C8A: variants seen among roughly 807,000 people sequenced by gnomAD.
C8A encodes the protein complement component C8 alpha chain.
C8A carries 67 observed loss-of-function variants against 65.3 expected under a neutral mutation model. The observed-to-expected ratio is 1.03, with a 90% CI of 0.84 to 1.26. C8A has a LOEUF of 1.26. Among genes scored for constraint, C8A ranks in the 50% most tolerant of loss-of-function variants. The pLI is 0.00. For synonymous variants in C8A, 290 were observed against 259.4 expected, an observed-to-expected ratio of 1.12 and a Z score of -1.13; for missense variants, 781 against 723.9, an observed-to-expected ratio of 1.08 and a Z score of -0.90.
intron 7 of C8A, among the ~76,000 whole-genome samples, chr1:56,905,597 A>C (rs1253330040): frequency 6.6e-6 from 1 of 152,208 alleles, no homozygotes; most frequent in Non-Finnish European, 1.5e-5. Flanking sequence ...AGGCAAATAA[A>C]CTTTGATGCT....
chr1:56,864,774 G>C (rs1160575943), intron 1 of C8A, among the ~76,000 whole-genome samples: 1 of 152,168 alleles, frequency 6.6e-6, no homozygotes, highest in East Asian at 1.9e-4. Flanking sequence ...CTAGCACCAT[G>C]TTACAAATTA....
At chr1:56,916,621 G>A (rs1316159492) in intron 10 of C8A, among the ~76,000 whole-genome samples, 1 of 152,152 alleles carries the variant, frequency 6.6e-6, no homozygotes, top group Non-Finnish European at 1.5e-5. Flanking sequence ...AGAGGAGGGC[G>A]AGCCTGACAG....
chr1:56,892,716 C>G (rs1644357333), intron 7 of C8A, among the ~76,000 whole-genome samples: 2 of 152,100 alleles, frequency 1.3e-5, no homozygotes, highest in Admixed American at 6.6e-5. Context: ...GCCTTTGGAA[C>G]AAAGTTGGTG....
intron 2 of C8A, 145 bp downstream of exon 2, chr1:56,867,847 G>T: frequency 2.8e-6 from 2 of 710,586 alleles, no homozygotes; most frequent in Non-Finnish European, 5.2e-6. Context: ...ATTATACATG[G>T]ATGGTGAAAC....
chr1:56,909,273 C>A (rs527996996), intron 9 of C8A, among the ~76,000 whole-genome samples: 2 of 152,198 alleles, frequency 1.3e-5, no homozygotes, highest in Non-Finnish European at 2.9e-5. Flanking sequence ...TTTCTCCCCA[C>A]CCTTGCCTAT....
At chr1:56,911,933 C>T (rs546964515) in intron 9 of C8A, among the ~76,000 whole-genome samples, 69 of 152,338 alleles carry the variant, frequency 4.5e-4, no homozygotes, top group African/African-American at 1.6e-3. Context: ...CAAATAACTT[C>T]TAAGCCCACT....
At chr1:56,905,987 C>CCCT (rs1644461375) in intron 7 of C8A, among the ~76,000 whole-genome samples, 1 of 152,118 alleles carries the variant, frequency 6.6e-6, no homozygotes, top group South Asian at 2.1e-4. Context: ...CAGATGTAGA[C>CCCT]AAATACAGAG....
intron 9 of C8A, among the ~76,000 whole-genome samples, chr1:56,911,695 T>C (rs577942152): frequency 3.3e-4 from 51 of 152,318 alleles, no homozygotes; most frequent in African/African-American, 1.1e-3. Context: ...AGTGCCGAAG[T>C]TGAAAAACCC....
At position 56,885,492 on chromosome 1, in the gene C8A, G is replaced by A. The variant is rs1334287459; in HGVS notation, c.856-435G>A. On this transcript the variant is annotated intron_variant, in intron 6 of 10. Transcript: ENST00000361249. ...TATATTTATTTAAATATATATTTACGTAAATACATATATATATTTCTTACA... is the reference window on the plus strand; with the variant it reads ...TATATTTATTTAAATATATATTTACATAAATACATATATATATTTCTTACA... Among the ~76,000 whole-genome samples the A allele has an allele frequency of 3.3e-3, 331 of 101,618 alleles. 4 individuals are homozygous for A. Among genetic ancestry groups the A allele is most frequent in the African/African-American group, 0.011 (293 of 27,516 alleles). 66.7% of individuals were successfully genotyped at this position (101,618 alleles called of 152,430 possible). A position where few individuals can be genotyped will look rare whatever the true frequency, so the allele number is the denominator to read the frequency against.
chr1:56,915,384 C>T (rs187751548), intron 10 of C8A, among the ~76,000 whole-genome samples: 15 of 152,126 alleles, frequency 9.9e-5, no homozygotes, highest in Admixed American at 4.6e-4. Context: ...TTCCAGCTTC[C>T]TTGTGTGAAC....
At chr1:56,904,721 G>A (rs1410553411) in intron 7 of C8A, among the ~76,000 whole-genome samples, 1 of 152,190 alleles carries the variant, frequency 6.6e-6, no homozygotes, top group Non-Finnish European at 1.5e-5. Flanking sequence ...TGAGCTAAGT[G>A]TCTAAGAGTG....
chr1:56,908,051 A>G lies in C8A; in HGVS notation c.1318A>G (p.Thr440Ala). ...CGGTGGCTTGGCACAGAACAGGAGCACCATTACATACCGTTCCTGGGGGAG... is the reference window on the plus strand; with the variant it reads ...CGGTGGCTTGGCACAGAACAGGAGCGCCATTACATACCGTTCCTGGGGGAG... ...WSGGLAQNRS[T>A]ITYRSWGRSL... Residue 440 changes from threonine to alanine, a missense_variant, in exon 9 of 11, where the codon ACC (threonine) becomes GCC (alanine). Thr to Ala is a moderately conservative substitution (Grantham distance 58, BLOSUM62 0). Coordinates refer to ENST00000361249, the MANE Select transcript of C8A (RefSeq NM_000562.3). 6.2e-7 allele frequency: 1 copy of G among 1,614,152 alleles called. No individual in the cohort carries two copies. The highest frequency in any genetic ancestry group is 8.5e-7 in the Non-Finnish European group (1 of 1,180,006).
chr1:56,897,806 C>T (rs1045444734), intron 7 of C8A, among the ~76,000 whole-genome samples: 1 of 152,156 alleles, frequency 6.6e-6, no homozygotes, highest in Non-Finnish European at 1.5e-5. Flanking sequence ...CTCCATTCAT[C>T]CATTCATCCA....
At chr1:56,869,891 A>G (rs977795339) in intron 2 of C8A, among the ~76,000 whole-genome samples, 2 of 152,150 alleles carry the variant, frequency 1.3e-5, no homozygotes, top group Non-Finnish European at 2.9e-5. Context: ...CCCACCACTC[A>G]GTTAGTGAGG....
chr1:56,870,476 C>T (rs1349173478), intron 2 of C8A, among the ~76,000 whole-genome samples: 3 of 152,090 alleles, frequency 2.0e-5, no homozygotes, highest in Non-Finnish European at 4.4e-5. Flanking sequence ...TGCCTGTAAT[C>T]TCTCTCTGCC....
intron 6 of C8A, among the ~76,000 whole-genome samples, chr1:56,885,281 TTTACATAA>T (rs1644280794): frequency 1.4e-5 from 2 of 142,582 alleles, no homozygotes; most frequent in Non-Finnish European, 3.0e-5. Flanking sequence ...TAAATATATA[TTTACATAA>T]ATATATATTT....
chr1:56,886,675 T>C (rs1366881482), intron 7 of C8A, among the ~76,000 whole-genome samples: 1 of 152,188 alleles, frequency 6.6e-6, no homozygotes, highest in Admixed American at 6.6e-5. Flanking sequence ...TTTCCCTTGT[T>C]ACTGCATCAG....
chr1:56,897,377 C>T (rs922517843), intron 7 of C8A, among the ~76,000 whole-genome samples: 4 of 152,128 alleles, frequency 2.6e-5, no homozygotes, highest in African/African-American at 7.2e-5. Flanking sequence ...ACTTGCATGT[C>T]GGAAGAAGTG....
intron 8 of C8A, 143 bp downstream of exon 8, chr1:56,906,935 C>A: frequency 3.0e-6 from 3 of 991,270 alleles, no homozygotes; most frequent in Non-Finnish European, 3.1e-6. Context: ...TACCCCAAAA[C>A]AATGACCTGC....
Sources: gnomAD v4.1 joint callset for allele counts (sites outside exome capture counted in the v4.1 genomes callset) on GRCh38, gnomAD v4.1.1 for gene constraint, MANE v1.5 for transcripts, NCBI Gene and HGNC (gene_info 2026-07-23, HGNC 2026-07-21) for gene names.